PCDH7: variants seen among roughly 807,000 people sequenced by gnomAD.
PCDH7 encodes the protein protocadherin 7.
A neutral mutation model predicts 58.9 loss-of-function variants in PCDH7; 17 were observed. The ratio of observed to expected loss-of-function variants is 0.29; its 90% CI spans 0.20 to 0.43. The LOEUF is 0.43. Ranked by LOEUF, PCDH7 falls within the 20% of genes least tolerant of loss-of-function variation. The pLI, the probability that PCDH7 is intolerant of heterozygous loss-of-function variation, is 1.00. For synonymous variants in PCDH7, 664 were observed against 616.4 expected (o/e 1.08, Z -1.14); for missense variants, 1,274 against 1,441.0 (o/e 0.88, Z 1.88).
rs1436866089 is a variant in PCDH7, at chr4:31,047,714, A to G, written c.*8-94759A>G. On this transcript the variant is annotated intron_variant, in intron 3 of 3. Transcript: ENST00000509759. ...TTGATGTTGCTTTGTCAAGTTTGTCATATTTAATTAGCTCGCTCTCATAAT... is the reference window on the plus strand; with the variant it reads ...TTGATGTTGCTTTGTCAAGTTTGTCGTATTTAATTAGCTCGCTCTCATAAT... 2.0e-5 allele frequency among the ~76,000 whole-genome samples: 3 copies of G among 152,080 alleles called. No homozygotes were observed. In the East Asian group the frequency reaches 5.8e-4, roughly 29 times the overall value.
chr4:31,128,522 G>A (rs1165286969), intron 3 of PCDH7, among the ~76,000 whole-genome samples: 2 of 152,106 alleles, frequency 1.3e-5, no homozygotes, highest in African/African-American at 4.8e-5. Flanking sequence ...AATGAGCTGT[G>A]CATGAGACAA....
At chr4:30,809,105 C>G (rs910159514) in intron 1 of PCDH7, among the ~76,000 whole-genome samples, 3 of 152,312 alleles carry the variant, frequency 2.0e-5, no homozygotes, top group East Asian at 3.9e-4. Context: ...TTTTCGCATT[C>G]TCTATTAAGT....
chr4:30,827,293 TA>T (rs1203047134), intron 1 of PCDH7, among the ~76,000 whole-genome samples: 1 of 152,174 alleles, frequency 6.6e-6, no homozygotes, highest in Non-Finnish European at 1.5e-5. Context: ...ATTTGAAAGC[TA>T]AGGCAACTGA....
Position 30,722,613 on chromosome 4 carries a change from C to T in PCDH7, c.1191C>T (p.Asp397=), listed in dbSNP as rs35941707. The change falls in exon 1 of 2, where the codon GAC becomes GAT. Residue 397 remains aspartate, a synonymous_variant. Coordinates refer to ENST00000361762, the Ensembl canonical transcript of PCDH7. The surrounding 1 kb of genome is among the most constrained non-coding windows in gnomAD (Gnocchi z 7.6). Reference sequence around the variant, plus strand: ...ACCGCGGGCAGCCCCCCAAGACCGACAAGGCCACCGTGGTCCTTAACATCA... The same window carrying T: ...ACCGCGGGCAGCCCCCCAAGACCGATAAGGCCACCGTGGTCCTTAACATCA... 518 of 1,613,334 alleles carry T rather than the reference C, an allele frequency of 3.2e-4. 1 individual carries two copies. The African/African-American group carries it at 6.2e-3, about 19-fold the overall frequency.
rs536080934 is a variant in PCDH7 at position 31,027,664 on chromosome 4, G to A, written c.*7+77449G>A. ...CTTCAATCTCCTGACCTCATGTACCGCCCACCTTGGCCTCCTAAAGTGCTG... is the reference window on the plus strand; with the variant it reads ...CTTCAATCTCCTGACCTCATGTACCACCCACCTTGGCCTCCTAAAGTGCTG... On this transcript the variant is annotated intron_variant, in intron 3 of 3. Coordinates refer to the PCDH7 transcript ENST00000509759. 5.0e-4 allele frequency among the ~76,000 whole-genome samples: 76 copies of A among 152,122 alleles called. 1 individual carries two copies. Among genetic ancestry groups the A allele is most frequent in the African/African-American group, 1.4e-3 (60 of 41,496 alleles).
intron 3 of PCDH7, among the ~76,000 whole-genome samples, chr4:31,091,340 AC>A: frequency 6.6e-6 from 1 of 152,090 alleles, no homozygotes; most frequent in African/African-American, 2.4e-5. Flanking sequence ...TAGCTACATG[AC>A]ATATATATGT....
chr4:30,857,187 G>A (rs2109351226), intron 1 of PCDH7, among the ~76,000 whole-genome samples: 1 of 152,146 alleles, frequency 6.6e-6, no homozygotes, highest in South Asian at 2.1e-4. Context: ...CTCTTCTGGG[G>A]TGTGTTTTCT....
At chr4:31,092,231 A>G (rs992652373) in intron 3 of PCDH7, among the ~76,000 whole-genome samples, 1 of 152,044 alleles carries the variant, frequency 6.6e-6, no homozygotes, top group South Asian at 2.1e-4. Flanking sequence ...CCGTATAAAT[A>G]TAAAAGGTAA....
At chr4:30,947,840 A>T (rs1459761046) in intron 2 of PCDH7, among the ~76,000 whole-genome samples, 2 of 151,752 alleles carry the variant, frequency 1.3e-5, no homozygotes, top group Non-Finnish European at 2.9e-5. Flanking sequence ...CCTTTAACAA[A>T]TTTTTTCCTA....
intron 2 of PCDH7, among the ~76,000 whole-genome samples, chr4:30,921,306 TG>T (rs1293237210): frequency 1.3e-5 from 2 of 152,066 alleles, no homozygotes; most frequent in Non-Finnish European, 2.9e-5. Context: ...TAGTAAAACT[TG>T]CAGTGGATTT....
chr4:30,735,230 C>G (rs187648780), downstream of PCDH7, among the ~76,000 whole-genome samples: 236 of 152,242 alleles, frequency 1.6e-3, 2 homozygotes, highest in Non-Finnish European at 2.5e-3. Flanking sequence ...AACACACCCA[C>G]AAACCTCTGT....
At chr4:31,091,352 A>G (rs1419462979) in intron 3 of PCDH7, among the ~76,000 whole-genome samples, 1 of 151,996 alleles carries the variant, frequency 6.6e-6, no homozygotes, top group Admixed American at 6.6e-5. Context: ...ATATATATGT[A>G]TATATGCTTA....
intron 3 of PCDH7, among the ~76,000 whole-genome samples, chr4:31,022,348 T>A (rs1382013073): frequency 6.6e-6 from 1 of 152,220 alleles, no homozygotes; most frequent in Non-Finnish European, 1.5e-5. Flanking sequence ...AGTAATGACT[T>A]TAAAAATTCA....
At chr4:31,073,386 A>G (rs989907942) in intron 3 of PCDH7, among the ~76,000 whole-genome samples, 2 of 152,224 alleles carry the variant, frequency 1.3e-5, no homozygotes, top group Non-Finnish European at 2.9e-5. Context: ...AGTAGAGATT[A>G]TAATGTGTCA....
At position 31,057,057 on chromosome 4, in the gene PCDH7, TAA is replaced by T. The variant is rs1757319770; in HGVS notation, c.*8-85415_*8-85414del. On this transcript the variant is annotated intron_variant, in intron 3 of 3. Coordinates refer to the PCDH7 transcript ENST00000509759. ...TTATTAAATAAGTTTGGCCTTTGTT[TAA>T]GTCTATTCATTTATAAATAGTATAT... Among the ~76,000 whole-genome samples, 4 of 152,364 alleles carry T rather than the reference TAA, an allele frequency of 2.6e-5. No homozygotes were observed. The South Asian group carries it at 8.3e-4, about 32-fold the overall frequency.
intron 1 of PCDH7, among the ~76,000 whole-genome samples, chr4:30,810,320 C>T (rs1051007600): frequency 2.6e-5 from 4 of 151,844 alleles, no homozygotes; most frequent in Non-Finnish European, 2.9e-5. Context: ...AATGGATGGG[C>T]GAATATGTTA....
chr4:30,958,914 A>G (rs937033731), intron 3 of PCDH7, among the ~76,000 whole-genome samples: 1 of 152,104 alleles, frequency 6.6e-6, no homozygotes, highest in African/African-American at 2.4e-5. Context: ...AGTAGATAAT[A>G]CCATACTTTT....
At chr4:30,917,679 C>A (rs1442715138) in intron 1 of PCDH7, among the ~76,000 whole-genome samples, 1 of 151,728 alleles carries the variant, frequency 6.6e-6, no homozygotes, top group Admixed American at 6.6e-5. Flanking sequence ...TTAAAATATG[C>A]ACAGTCAAAA....
At chr4:31,068,869 A>G (rs1432460366) in intron 3 of PCDH7, among the ~76,000 whole-genome samples, 1 of 152,078 alleles carries the variant, frequency 6.6e-6, no homozygotes, top group Non-Finnish European at 1.5e-5. Flanking sequence ...GACTCATATA[A>G]GCCATAATTA....
Sources: allele counts gnomAD v4.1 joint callset (sites outside exome capture counted in the v4.1 genomes callset), GRCh38; gene constraint gnomAD v4.1.1; non-coding constraint Gnocchi (gnomAD v3.1); transcripts MANE v1.5; gene names NCBI Gene and HGNC (gene_info 2026-07-23, HGNC 2026-07-21).